Variants in RGSL1 observed in about 807,000 individuals in gnomAD.
RGSL1 encodes the protein regulator of G protein signaling protein-like.
In RGSL1, 97 loss-of-function variants were observed where a neutral mutation model predicts 124.7. The observed-to-expected ratio is 0.78, with a 90% CI of 0.66 to 0.92. The LOEUF is 0.92. Among genes scored for constraint, RGSL1 ranks in the 40% least tolerant of loss-of-function variants. The pLI, the probability that RGSL1 is intolerant of heterozygous loss-of-function variation, is 0.00. For synonymous variants in RGSL1, 424 were observed against 438.1 expected (o/e 0.97, Z 0.40); for missense variants, 1,233 against 1,288.4 (o/e 0.96, Z 0.66).
At chr1:182,484,047 A>G (rs1277483856) in intron 6 of RGSL1, among the ~76,000 whole-genome samples, 1 of 152,080 alleles carries the variant, frequency 6.6e-6, no homozygotes, top group East Asian at 1.9e-4. Context: ...TGGGGCTCAG[A>G]AGTATCCCAG....
rs1408166502 is a variant in RGSL1 at position 182,509,710 on chromosome 1, C to T, written c.1826-12294C>T. 1.6e-4 allele frequency among the ~76,000 whole-genome samples: 22 copies of T among 134,182 alleles called. No homozygotes were observed. The East Asian group carries it at 2.1e-3, about 13-fold the overall frequency. 88.0% of individuals were successfully genotyped at this position (134,182 alleles called of 152,430 possible). On this transcript the variant is annotated intron_variant, in intron 9 of 21. Coordinates refer to ENST00000294854, the MANE Select transcript of RGSL1 (RefSeq NM_001137669.2). Reference sequence around the variant, plus strand: ...CTCCCGGACGGCACGGCTGGCCGGGCGGGGGGCTGACCCCCCCACCTCCCT... The same window carrying T: ...CTCCCGGACGGCACGGCTGGCCGGGTGGGGGGCTGACCCCCCCACCTCCCT...
intron 4 of RGSL1, chr1:182,460,835 T>A (rs146441306): frequency 6.7e-4 from 281 of 416,446 alleles, no homozygotes; most frequent in Middle Eastern, 5.3e-3. Context: ...TTGTAGTTGA[T>A]CTCATTCAAT....
At chr1:182,503,397 A>G (rs1253528299) in intron 9 of RGSL1, among the ~76,000 whole-genome samples, 1 of 152,220 alleles carries the variant, frequency 6.6e-6, no homozygotes, top group Non-Finnish European at 1.5e-5. Flanking sequence ...TCAGCCATAA[A>G]AAGAATGAGA....
chr1:182,554,564 C>T (rs941336786), intron 19 of RGSL1, 63 bp from the exon 20 acceptor site: 4 of 1,420,438 alleles, frequency 2.8e-6, no homozygotes, highest in Non-Finnish European at 3.9e-6. Flanking sequence ...AGGGTGGAGG[C>T]CTTTCAGTGA....
In RGSL1 at chr1:182,548,758, T is replaced by C; in HGVS notation, c.2867T>C (p.Leu956Pro). 6.4e-7 allele frequency: 1 copy of C among 1,551,684 alleles called. No individual in the cohort carries two copies. Among genetic ancestry groups the C allele is most frequent in the South Asian group, 1.2e-5 (1 of 84,060 alleles). The change falls in exon 17 of 22, where the codon CTA becomes CCA. Residue 956 changes from leucine (L) to proline (P), a missense_variant. Transcript: ENST00000294854. ...CTTGCTGCCATCACAGAGGGCTACCTAGATCGGAGCGTCTTCCATGGGGCT... is the reference window on the plus strand; with the variant it reads ...CTTGCTGCCATCACAGAGGGCTACCCAGATCGGAGCGTCTTCCATGGGGCT... ...AILAAITEGY[L>P]DRSVFHGAIM...
chr1:182,538,197 G>T (rs921240971), intron 14 of RGSL1, among the ~76,000 whole-genome samples: 2 of 152,104 alleles, frequency 1.3e-5, no homozygotes, highest in African/African-American at 4.8e-5. Context: ...TCCAGTTCTT[G>T]GTACTCTATC....
chr1:182,451,645 A>G (rs1305599930), intron 1 of RGSL1, among the ~76,000 whole-genome samples: 2 of 138,698 alleles, frequency 1.4e-5, no homozygotes. Flanking sequence ...GAGGAAACTC[A>G]AAAGCCAGAT....
intron 16 of RGSL1, 115 bp from the exon 17 acceptor site, chr1:182,548,585 A>C (rs754748107): frequency 8.0e-6 from 12 of 1,508,116 alleles, no homozygotes; most frequent in Non-Finnish European, 1.1e-5. Context: ...TAGCAACTCC[A>C]TGAAAACCGT....
chr1:182,465,615 A>G (rs1653247084), intron 4 of RGSL1, among the ~76,000 whole-genome samples: 1 of 152,096 alleles, frequency 6.6e-6, no homozygotes. Flanking sequence ...ATATAATAAT[A>G]ATAATAAAAA....
chr1:182,525,256 C>T (rs193054935), intron 10 of RGSL1, among the ~76,000 whole-genome samples: 87 of 152,150 alleles, frequency 5.7e-4, no homozygotes, highest in Non-Finnish European at 9.0e-4. Flanking sequence ...ACAAAAATCC[C>T]AGGAAAGTAT....
chr1:182,521,962 CTTATAATATA>C (rs1558371889), intron 9 of RGSL1, 32 bp from the exon 10 acceptor site: 2 of 1,301,488 alleles, frequency 1.5e-6, no homozygotes, highest in South Asian at 1.4e-5. Flanking sequence ...CTTTTCATTG[CTTATAATATA>C]GTGTTCTCCA....
rs745703374 is a variant in RGSL1, at chr1:182,556,016, C to T, written c.3198-8C>T. 1 of 1,550,898 alleles carries T rather than the reference C, an allele frequency of 6.4e-7. No homozygotes were observed. Reference sequence around the variant, plus strand: ...ATTGTGATAACTGGCTGTTTTCTCTCCCTTCAGACAAAAATTATCCTACAT... The same window carrying T: ...ATTGTGATAACTGGCTGTTTTCTCTTCCTTCAGACAAAAATTATCCTACAT... On this transcript the variant is annotated splice_polypyrimidine_tract_variant and splice_region_variant and intron_variant, in intron 20 of 21. Transcript: ENST00000294854.
At chr1:182,506,078 C>CTT (rs1485566930) in intron 9 of RGSL1, among the ~76,000 whole-genome samples, 29 of 152,170 alleles carry the variant, frequency 1.9e-4, no homozygotes, top group Non-Finnish European at 1.8e-4. Context: ...AATTTAATCA[C>CTT]AGATTTAATC....
upstream of RGSL1, chr1:182,450,018 C>T: frequency 1.1e-6 from 1 of 887,514 alleles, no homozygotes; most frequent in Non-Finnish European, 1.8e-6. Flanking sequence ...AGATTAAGGC[C>T]TACACCAGAG....
intron 4 of RGSL1, among the ~76,000 whole-genome samples, chr1:182,467,222 C>T (rs1010750468): frequency 2.0e-5 from 3 of 152,168 alleles, no homozygotes; most frequent in Admixed American, 2.0e-4. Flanking sequence ...ATGCCATCCC[C>T]ATCAAGCTAC....
At chr1:182,526,221 T>C (rs1658730788) in intron 10 of RGSL1, among the ~76,000 whole-genome samples, 1 of 152,184 alleles carries the variant, frequency 6.6e-6, no homozygotes, top group Non-Finnish European at 1.5e-5. Flanking sequence ...AAGTAACACT[T>C]GCCAACTTAT....
chr1:182,517,868 A>C (rs1303972381), intron 9 of RGSL1, among the ~76,000 whole-genome samples: 1 of 151,822 alleles, frequency 6.6e-6, no homozygotes, highest in Non-Finnish European at 1.5e-5. Flanking sequence ...CCATCTCCTT[A>C]GTGTTATTTT....
chr1:182,518,196 T>C (rs993902262), intron 9 of RGSL1, among the ~76,000 whole-genome samples: 2 of 152,050 alleles, frequency 1.3e-5, no homozygotes, highest in African/African-American at 4.8e-5. Context: ...AGCACCACTA[T>C]ACCCAGCTAA....
chr1:182,535,354 T>G (rs1402029711), intron 14 of RGSL1, among the ~76,000 whole-genome samples: 1 of 152,194 alleles, frequency 6.6e-6, no homozygotes, highest in Non-Finnish European at 1.5e-5. Flanking sequence ...CTTACTGATT[T>G]TCTTAAGCCA....
Sources: gnomAD v4.1 joint callset for allele counts (sites outside exome capture counted in the v4.1 genomes callset) on GRCh38, gnomAD v4.1.1 for gene constraint, MANE v1.5 for transcripts, NCBI Gene and HGNC (gene_info 2026-07-23, HGNC 2026-07-21) for gene names.